MTR: variants seen among roughly 807,000 people sequenced by gnomAD.
MTR encodes 5-methyltetrahydrofolate-homocysteine methyltransferase.
In MTR, 84 loss-of-function variants were observed where a neutral mutation model predicts 154.8. That is an observed-to-expected ratio of 0.54 (90% CI 0.45 to 0.65). The LOEUF is 0.65. MTR is among the 30% of genes least tolerant of loss of function. MTR has a pLI of 0.00. For missense variants in MTR, 1,275 were observed against 1,570.2 expected (o/e 0.81, Z 3.18); for synonymous variants, 554 against 553.9 (o/e 1.00, Z 0.00).
chr1:236,892,714 G>T (rs944986274), intron 29 of MTR, among the ~76,000 whole-genome samples: 9 of 152,096 alleles, frequency 5.9e-5, no homozygotes, highest in Admixed American at 5.2e-4. Context: ...AAGGCACTGG[G>T]GTTCTAATGT....
chr1:236,879,989 T>TA (rs34152972), intron 24 of MTR, among the ~76,000 whole-genome samples: 45,102 of 144,862 alleles, frequency 0.31, 7,382 homozygotes, highest in Middle Eastern at 0.41. Flanking sequence ...CCATCTCTAC[T>TA]AAAAAAAAAA....
intron 24 of MTR, among the ~76,000 whole-genome samples, chr1:236,878,384 A>C (rs1165493342): frequency 6.6e-6 from 1 of 152,160 alleles, no homozygotes; most frequent in African/African-American, 2.4e-5. Context: ...CAGGACTTCC[A>C]CGTTTTCATG....
At chr1:236,817,505 G>A (rs978366508) in intron 8 of MTR, among the ~76,000 whole-genome samples, 2 of 152,216 alleles carry the variant, frequency 1.3e-5, no homozygotes, top group Non-Finnish European at 2.9e-5. Flanking sequence ...GCCAGGCTCT[G>A]TTCTAAGTGC....
At chr1:236,870,932 C>G (rs867603792) in intron 22 of MTR, among the ~76,000 whole-genome samples, 2 of 152,126 alleles carry the variant, frequency 1.3e-5, no homozygotes, top group African/African-American at 4.8e-5. Context: ...CACAGTATTT[C>G]CAGGATCTGA....
chr1:236,879,106 C>T (rs996331068), intron 24 of MTR, among the ~76,000 whole-genome samples: 12 of 152,202 alleles, frequency 7.9e-5, no homozygotes, highest in Non-Finnish European at 1.5e-4. Context: ...ATATATTACA[C>T]CTATAACAGT....
intron 1 of MTR, among the ~76,000 whole-genome samples, chr1:236,802,301 G>A (rs530112672): frequency 2.0e-5 from 3 of 152,310 alleles, no homozygotes; most frequent in South Asian, 2.1e-4. Flanking sequence ...AGTTGAGGTA[G>A]CCATATCCAG....
rs760825592 is a variant in MTR, at chr1:236,800,269, CTG to C, written c.35-3156_35-3155del. On this transcript the variant is annotated intron_variant, in intron 1 of 32. Transcript: ENST00000366577. ...GATGCCAAAGGACATACTTCACTGT[CTG>C]TGGAAAAGATTGCCTTTTTCTCCCT... is the stretch of plus-strand genomic sequence containing the variant. 1.8e-5 allele frequency: 18 copies of C among 985,374 alleles called. No individual in the cohort carries two copies. In the Admixed American group the frequency reaches 2.5e-4, roughly 13 times the overall value. 61.0% of individuals were successfully genotyped at this position (985,374 alleles called of 1,614,324 possible).
In MTR at chr1:236,806,167, T is replaced by G. The variant is rs755806533; in HGVS notation, c.273T>G (p.Asp91Glu). ...AGGAATACTTGCTGGCTGGGGCAGATATCATTGAAACAAATACTTTTAGCA... is the reference window on the plus strand; with the variant it reads ...AGGAATACTTGCTGGCTGGGGCAGAGATCATTGAAACAAATACTTTTAGCA... ...IHKEYLLAGA[D>E]IIETNTFSST... Residue 91 changes from aspartate to glutamate, a missense_variant, in exon 3 of 33, where the codon GAT becomes GAG. Asp to Glu is a conservative substitution (Grantham distance 45). Coordinates refer to ENST00000366577, the MANE Select transcript of MTR (RefSeq NM_000254.3). 3 of 1,614,176 alleles carry G rather than the reference T, an allele frequency of 1.9e-6. No homozygotes were observed. Among genetic ancestry groups the G allele is most frequent in the Non-Finnish European group, 2.5e-6 (3 of 1,180,008 alleles).
At position 236,880,836 on chromosome 1, in the gene MTR, GGTA is replaced by G; in HGVS notation, c.2676+1_2676+3del. ...TGGACGCGTCCAAGAGTGTGGTGGTGGTAAGTGGGTGACCTTACATTTTATTCC... is the reference window on the plus strand; with the variant it reads ...TGGACGCGTCCAAGAGTGTGGTGGTGAGTGGGTGACCTTACATTTTATTCC... On this transcript the variant is annotated splice_donor_variant and splice_donor_region_variant and intron_variant, in intron 25 of 32. Transcript: ENST00000366577. LOFTEE classifies it high-confidence loss of function. 1 of 1,613,476 alleles carries G rather than the reference GGTA, an allele frequency of 6.2e-7. No homozygotes were observed. The highest frequency in any genetic ancestry group is 8.5e-7 in the Non-Finnish European group (1 of 1,179,456).
intron 22 of MTR, 149 bp from the exon 23 acceptor site, chr1:236,873,621 TGTG>T (rs1316170423): frequency 1.1e-5 from 8 of 703,304 alleles, no homozygotes; most frequent in Non-Finnish European, 1.8e-5. Flanking sequence ...AAATGGTAGT[TGTG>T]GTGGTAATCC....
intron 12 of MTR, among the ~76,000 whole-genome samples, chr1:236,830,382 A>G (rs1034694107): frequency 2.0e-5 from 3 of 152,220 alleles, no homozygotes; most frequent in Non-Finnish European, 2.9e-5. Flanking sequence ...GCCTTTGCCA[A>G]AATTGAAACA....
chr1:236,849,835 C>T (rs1300228195), intron 15 of MTR, among the ~76,000 whole-genome samples: 3 of 152,132 alleles, frequency 2.0e-5, no homozygotes, highest in African/African-American at 7.2e-5. Context: ...AAATGCATAT[C>T]CTTGAATATG....
chr1:236,800,285 C>CT, intron 1 of MTR: 1 of 985,316 alleles, frequency 1.0e-6, no homozygotes, highest in Non-Finnish European at 1.2e-6. Context: ...AAAAGATTGC[C>CT]TTTTTCTCCC....
chr1:236,864,077 CCTTT>C (rs1309293610), intron 22 of MTR, among the ~76,000 whole-genome samples: 3 of 152,150 alleles, frequency 2.0e-5, no homozygotes, highest in African/African-American at 4.8e-5. Context: ...AAGTAAAACC[CCTTT>C]CTATCTTATT....
Position 236,894,575 on chromosome 1 carries a change from C to T in MTR, c.3405+18C>T, listed in dbSNP as rs374485228. The T allele has an allele frequency of 3.7e-5, 59 of 1,612,796 alleles. No homozygotes were observed. Among genetic ancestry groups the T allele is most frequent in the African/African-American group, 2.8e-4 (21 of 74,700 alleles). On this transcript the variant is annotated intron_variant, in intron 30 of 32. Coordinates refer to ENST00000366577, the MANE Select transcript of MTR (RefSeq NM_000254.3). ...TGGCAGAGGTAAGGCAGAGGCATTG[C>T]GCCGAGGGGCTGAGGACAGAGGCCA...
chr1:236,897,526 T>C (rs1402983305), intron 32 of MTR, 32 bp from the exon 33 acceptor site: 2 of 1,586,040 alleles, frequency 1.3e-6, no homozygotes, highest in Admixed American at 3.3e-5. Flanking sequence ...CTTATCATGT[T>C]GGTTTAATAA....
chr1:236,824,675 G>A (rs1462501135), intron 9 of MTR, among the ~76,000 whole-genome samples: 1 of 152,198 alleles, frequency 6.6e-6, no homozygotes, highest in African/African-American at 2.4e-5. Flanking sequence ...TTCTCAAACT[G>A]TCCCATTAAA....
At chr1:236,860,250 C>T (rs779952256) in intron 19 of MTR, among the ~76,000 whole-genome samples, 1 of 152,082 alleles carries the variant, frequency 6.6e-6, no homozygotes, top group East Asian at 1.9e-4. Context: ...GTGTTAGTAG[C>T]GCCGAGGCTG....
chr1:236,861,102 T>TC (rs1558318010), intron 19 of MTR, 23 bp from the exon 20 acceptor site: 1 of 1,494,308 alleles, frequency 6.7e-7, no homozygotes, highest in Non-Finnish European at 8.9e-7. Context: ...TTTTTCTTTT[T>TC]TTTTTTTTTT....
Sources: gnomAD v4.1 joint callset for allele counts (sites outside exome capture counted in the v4.1 genomes callset) on GRCh38, gnomAD v4.1.1 for gene constraint, MANE v1.5 for transcripts, NCBI Gene and HGNC (gene_info 2026-07-23, HGNC 2026-07-21) for gene names.